Variants in TGM6 observed in about 807,000 individuals in gnomAD.
TGM6 encodes the protein protein-glutamine gamma-glutamyltransferase 6.
Under a neutral mutation model 77.5 loss-of-function variants are expected in TGM6, and 74 were observed. The ratio of observed to expected loss-of-function variants is 0.96; its 90% CI spans 0.79 to 1.16. TGM6 has a LOEUF of 1.16. Among genes scored for constraint, TGM6 ranks in the 50% most tolerant of loss-of-function variants. The probability of loss-of-function intolerance (pLI) is 0.00; values close to 1 mark genes in which losing one functional copy is unlikely to be tolerated. For missense variants in TGM6, 968 were observed against 940.2 expected, an observed-to-expected ratio of 1.03 and a Z score of -0.39; for synonymous variants, 383 against 378.9, an observed-to-expected ratio of 1.01 and a Z score of -0.12.
intron 12 of TGM6, among the ~76,000 whole-genome samples, chr20:2,431,981 G>C (rs1160020464): frequency 6.6e-6 from 1 of 152,218 alleles, no homozygotes; most frequent in Non-Finnish European, 1.5e-5. Flanking sequence ...AACTAGCCTG[G>C]CTAGATGGGA....
At chr20:2,408,369 C>T (rs2084765246) in intron 9 of TGM6, among the ~76,000 whole-genome samples, 1 of 152,190 alleles carries the variant, frequency 6.6e-6, no homozygotes, top group Non-Finnish European at 1.5e-5. Context: ...GCTGACTTCA[C>T]CCCAAACTTT....
At chr20:2,388,891 G>A (rs890519628) in intron 1 of TGM6, among the ~76,000 whole-genome samples, 2 of 152,210 alleles carry the variant, frequency 1.3e-5, no homozygotes, top group Non-Finnish European at 2.9e-5. Context: ...TTGGTGGGGA[G>A]TACCTGGTGA....
intron 1 of TGM6, among the ~76,000 whole-genome samples, chr20:2,385,048 T>A (rs1164511470): frequency 6.6e-6 from 1 of 152,176 alleles, no homozygotes; most frequent in Non-Finnish European, 1.5e-5. Flanking sequence ...CATTGGGCAG[T>A]GGGTGAGCTA....
chr20:2,428,180 T>G (rs6138002), intron 10 of TGM6, among the ~76,000 whole-genome samples: 31,250 of 152,054 alleles, frequency 0.21, 3,503 homozygotes, highest in African/African-American at 0.29. Flanking sequence ...GTGCTCCGTG[T>G]AAGATTGAGA....
At chr20:2,406,108 T>C (rs1262697069) in intron 9 of TGM6, among the ~76,000 whole-genome samples, 7 of 152,202 alleles carry the variant, frequency 4.6e-5, no homozygotes, top group Admixed American at 4.6e-4. Context: ...TCCAGGAACA[T>C]GGCACTTTCT....
intron 10 of TGM6, 149 bp downstream of exon 10, chr20:2,417,722 T>C (rs2084828467): frequency 2.2e-6 from 2 of 929,266 alleles, no homozygotes; most frequent in Admixed American, 4.2e-5. Context: ...TTGCCTCTTG[T>C]CCCGACTTTA....
At chr20:2,398,161 A>C (rs2084682027) in intron 5 of TGM6, 115 bp downstream of exon 5, 2 of 1,550,234 alleles carry the variant, frequency 1.3e-6, no homozygotes, top group African/African-American at 2.7e-5. Context: ...CTGTTGTTGC[A>C]GAACCAACCA....
intron 1 of TGM6, among the ~76,000 whole-genome samples, chr20:2,391,537 G>A (rs1200640079): frequency 6.6e-6 from 1 of 152,060 alleles, no homozygotes; most frequent in Non-Finnish European, 1.5e-5. Flanking sequence ...GAAAGCAATG[G>A]GATCCTGCCT....
rs1162119013 is a variant in TGM6, at chr20:2,430,942, G to T, written c.1882G>T (p.Val628Leu). The part of the protein sequence containing the change: ...VGVAVTVEVT[V>L]VNPLIERVKD... ...AGTGGCAGTTACAGTGGAAGTGACA[G>T]TAGTCAACCCCCTCATAGAGAGAGT... is the stretch of plus-strand genomic sequence containing the variant. The change falls in exon 12 of 13, where the codon GTA becomes TTA. Residue 628 changes from valine (V) to leucine (L), a missense_variant. Val to Leu is a conservative substitution (Grantham distance 32, BLOSUM62 1). Coordinates refer to ENST00000202625, the MANE Select transcript of TGM6 (RefSeq NM_198994.3). 2 of 1,614,170 alleles carry T rather than the reference G, an allele frequency of 1.2e-6. No homozygotes were observed. Among genetic ancestry groups the T allele is most frequent in the East Asian group, 2.2e-5 (1 of 44,874 alleles).
chr20:2,400,836 C>A (rs1185652303), intron 7 of TGM6, among the ~76,000 whole-genome samples: 3 of 152,108 alleles, frequency 2.0e-5, no homozygotes, highest in Admixed American at 2.0e-4. Context: ...GGGAAACAGA[C>A]TCCTTCCTTA....
At chr20:2,429,396 G>C (rs941859910) in intron 10 of TGM6, among the ~76,000 whole-genome samples, 2 of 151,650 alleles carry the variant, frequency 1.3e-5, no homozygotes, top group South Asian at 2.1e-4. Context: ...AGAACAATAG[G>C]GAATGAGAGG....
At chr20:2,419,126 T>G (rs2084839109) in intron 10 of TGM6, among the ~76,000 whole-genome samples, 1 of 152,342 alleles carries the variant, frequency 6.6e-6, no homozygotes, top group African/African-American at 2.4e-5. Context: ...TCTGTCTTTT[T>G]GCCGGTATCT....
At chr20:2,427,783 T>A (rs569655929) in intron 10 of TGM6, among the ~76,000 whole-genome samples, 19 of 152,162 alleles carry the variant, frequency 1.2e-4, no homozygotes, top group African/African-American at 4.6e-4. Flanking sequence ...TCAGACAGAG[T>A]CTCGTTCTGT....
At chr20:2,412,734 G>A (rs1234050529) in intron 9 of TGM6, among the ~76,000 whole-genome samples, 3 of 152,006 alleles carry the variant, frequency 2.0e-5, no homozygotes, top group African/African-American at 7.3e-5. Flanking sequence ...CTAGATACTG[G>A]CAATGGATAA....
At chr20:2,391,319 G>A (rs1052912514) in intron 1 of TGM6, among the ~76,000 whole-genome samples, 1 of 152,154 alleles carries the variant, frequency 6.6e-6, no homozygotes, top group Non-Finnish European at 1.5e-5. Context: ...TTGGACAAAG[G>A]AGAGATGAAC....
At chr20:2,417,163 T>A in intron 9 of TGM6, 69 bp from the exon 10 acceptor site, 1 of 1,452,910 alleles carries the variant, frequency 6.9e-7, no homozygotes. Flanking sequence ...CCAGTTTGAC[T>A]TCCATGAGCC....
intron 6 of TGM6, 76 bp downstream of exon 6, chr20:2,399,814 C>T: frequency 7.7e-7 from 1 of 1,303,802 alleles, no homozygotes; most frequent in South Asian, 1.3e-5. Flanking sequence ...CATATATTTG[C>T]ATATGCTGCA....
chr20:2,404,748 C>A (rs567816840), intron 9 of TGM6, among the ~76,000 whole-genome samples: 2 of 152,064 alleles, frequency 1.3e-5, no homozygotes, highest in African/African-American at 4.8e-5. Flanking sequence ...TCAAGCAATT[C>A]TCCTGCCTCA....
intron 1 of TGM6, among the ~76,000 whole-genome samples, chr20:2,385,641 T>C (rs2084589484): frequency 6.6e-6 from 1 of 151,586 alleles, no homozygotes; most frequent in South Asian, 2.1e-4. Flanking sequence ...GGCTTTGGAA[T>C]GTGACAGCTT....
Sources: allele counts gnomAD v4.1 joint callset (sites outside exome capture counted in the v4.1 genomes callset), GRCh38; gene constraint gnomAD v4.1.1; transcripts MANE v1.5; gene names NCBI Gene and HGNC (gene_info 2026-07-23, HGNC 2026-07-21).